The following RDH10 variants were observed in gnomAD, a reference collection of about 807,000 sequenced individuals.
RDH10 encodes the protein retinol dehydrogenase 10 (all-trans).
RDH10 carries 12 observed loss-of-function variants against 30.2 expected under a neutral mutation model. The ratio of observed to expected loss-of-function variants is 0.40; its 90% CI spans 0.25 to 0.64. The LOEUF (loss-of-function observed/expected upper bound fraction) is 0.64, where lower values mean the gene tolerates loss of function less well. Among genes scored for constraint, RDH10 ranks in the 30% least tolerant of loss-of-function variants. RDH10 has a pLI of 0.43. For missense variants in RDH10, 268 were observed against 445.2 expected, an observed-to-expected ratio of 0.60 and a Z score of 3.58; for synonymous variants, 189 against 172.2, an observed-to-expected ratio of 1.10 and a Z score of -0.76.
At chr8:73,303,106 T>C (rs1442857507) in intron 2 of RDH10, among the ~76,000 whole-genome samples, 1 of 151,742 alleles carries the variant, frequency 6.6e-6, no homozygotes, top group Admixed American at 6.6e-5. Flanking sequence ...AGTTTTAAAA[T>C]ACTAATTACT....
chr8:73,310,006 C>T (rs1022849190), intron 2 of RDH10, among the ~76,000 whole-genome samples: 18 of 152,152 alleles, frequency 1.2e-4, no homozygotes, highest in Non-Finnish European at 1.3e-4. Flanking sequence ...TGGGAACCAC[C>T]TGAGGGACGT....
At chr8:73,304,963 A>T (rs1469961370) in intron 2 of RDH10, among the ~76,000 whole-genome samples, 3 of 152,142 alleles carry the variant, frequency 2.0e-5, no homozygotes, top group African/African-American at 7.2e-5. Context: ...AAGGAAGCAA[A>T]GTTGGTATTT....
Position 73,297,225 on chromosome 8 carries a change from C to A in RDH10, c.321C>A (p.His107Gln). 1 of 1,613,596 alleles carries A rather than the reference C, an allele frequency of 6.2e-7. No homozygotes were observed. Among genetic ancestry groups the A allele is most frequent in the Middle Eastern group, 1.7e-4 (1 of 6,056 alleles). ...ATGGTGAGGAAGAAATTCTGCCCCA[C>A]TGTAACTTGCAGGTTTTTACCTACA... The part of the protein sequence containing the change: ...AGNGEEEILP[H>Q]CNLQVFTYTC... The change falls in exon 2 of 6, where the codon CAC becomes CAA. Residue 107 changes from histidine to glutamine, a missense_variant. Coordinates refer to ENST00000240285, the MANE Select transcript of RDH10 (RefSeq NM_172037.5).
rs1379574486 is a variant in RDH10, at chr8:73,295,491, A to G, written c.202A>G (p.Ile68Val). 6.4e-7 allele frequency: 1 copy of G among 1,555,456 alleles called. No homozygotes were observed. Among genetic ancestry groups the G allele is most frequent in the Non-Finnish European group, 8.7e-7 (1 of 1,150,788 alleles). ...RRRALLVLWDINTQSNEETAG... is the reference protein window; with the variant it reads ...RRRALLVLWDVNTQSNEETAG... ...TCGGGCGCTGCTGGTGCTGTGGGACATCAACACGCAAAGCAACGAGGAGAC... is the reference window on the plus strand; with the variant it reads ...TCGGGCGCTGCTGGTGCTGTGGGACGTCAACACGCAAAGCAACGAGGAGAC... The change falls in exon 1 of 6, where the codon ATC becomes GTC. Residue 68 changes from isoleucine (I) to valine (V), a missense_variant. This residue lies in a region of RDH10 where 42 missense variants were observed against 77.6 expected (regional missense o/e 0.54). Coordinates refer to ENST00000240285, the MANE Select transcript of RDH10 (RefSeq NM_172037.5).
chr8:73,312,279 GAT>G (rs1283210828), intron 2 of RDH10: 7 of 152,148 alleles, frequency 4.6e-5, no homozygotes, highest in African/African-American at 1.7e-4. Flanking sequence ...TCAAATAAAA[GAT>G]AAACACTTCA....
At chr8:73,320,463 GTTTTTGTTTTTGTTTTTT>G (rs1179179095) in intron 3 of RDH10, among the ~76,000 whole-genome samples, 2 of 125,956 alleles carry the variant, frequency 1.6e-5, no homozygotes, top group African/African-American at 3.6e-5. Flanking sequence ...TTTTGTTTTT[GTTTTTGTTTTTGTTTTTT>G]TTTTTTTGAG....
At chr8:73,321,201 A>G (rs537366551) in intron 4 of RDH10, 124 bp downstream of exon 4, 269 of 924,616 alleles carry the variant, frequency 2.9e-4, no homozygotes, top group Non-Finnish European at 3.7e-4. Flanking sequence ...TTATTGGTCA[A>G]GATTTGTAAA....
At chr8:73,310,692 G>A (rs190576464) in intron 2 of RDH10, among the ~76,000 whole-genome samples, 6 of 152,360 alleles carry the variant, frequency 3.9e-5, no homozygotes, top group African/African-American at 7.2e-5. Context: ...CTGCAATTTT[G>A]TGGGTTATTT....
At chr8:73,321,207 G>A (rs2130382585) in intron 4 of RDH10, 130 bp downstream of exon 4, 2 of 856,428 alleles carry the variant, frequency 2.3e-6, no homozygotes, top group Non-Finnish European at 3.5e-6. Flanking sequence ...GTCAAGATTT[G>A]TAAAGTTTGT....
chr8:73,306,633 G>T (rs1242911308), intron 2 of RDH10, among the ~76,000 whole-genome samples: 1 of 152,218 alleles, frequency 6.6e-6, no homozygotes, highest in Non-Finnish European at 1.5e-5. Flanking sequence ...CACTTACAAT[G>T]AATTCACATT....
rs148526656 is a variant in RDH10 at position 73,308,834 on chromosome 8, C to T, written c.526-10262C>T. On this transcript the variant is annotated intron_variant, in intron 2 of 5. Coordinates refer to ENST00000240285, the MANE Select transcript of RDH10 (RefSeq NM_172037.5). The stretch of plus-strand genomic sequence containing the variant: ...AGGATCAATTATATTGCCTGTTTCA[C>T]TGAACTCTTAGGAGAGTTGATCTGA... Among the ~76,000 whole-genome samples the T allele has an allele frequency of 4.7e-3, 713 of 152,264 alleles. 5 individuals are homozygous for T. The highest frequency in any genetic ancestry group is 0.016 in the South Asian group (78 of 4,828).
At chr8:73,310,470 G>A (rs1814545176) in intron 2 of RDH10, among the ~76,000 whole-genome samples, 1 of 152,238 alleles carries the variant, frequency 6.6e-6, no homozygotes, top group Non-Finnish European at 1.5e-5. Flanking sequence ...TGGAACAGGG[G>A]CTAAGAAGTC....
At chr8:73,309,928 C>T (rs1056894760) in intron 2 of RDH10, among the ~76,000 whole-genome samples, 1 of 152,112 alleles carries the variant, frequency 6.6e-6, no homozygotes, top group South Asian at 2.1e-4. Context: ...TTACCCAGCC[C>T]CAAATGTAAT....
intron 1 of RDH10, 58 bp downstream of exon 1, chr8:73,295,636 T>C: frequency 7.1e-7 from 1 of 1,412,726 alleles, no homozygotes; most frequent in Middle Eastern, 2.1e-4. Context: ...CCCCGCGCCC[T>C]ACCACGGCAG....
At chr8:73,308,012 G>C (rs959487219) in intron 2 of RDH10, among the ~76,000 whole-genome samples, 1 of 152,148 alleles carries the variant, frequency 6.6e-6, no homozygotes, top group Non-Finnish European at 1.5e-5. Context: ...GCTTGTATTG[G>C]AGAGAGTTAT....
chr8:73,322,604 A>T, intron 4 of RDH10, 75 bp from the exon 5 acceptor site: 1 of 1,203,372 alleles, frequency 8.3e-7, no homozygotes, highest in Non-Finnish European at 1.2e-6. Context: ...CATCACTGTT[A>T]ATGTTTTGAT....
At chr8:73,295,772 A>C (rs781263391) in intron 1 of RDH10, 194 bp downstream of exon 1, 8 of 939,132 alleles carry the variant, frequency 8.5e-6, no homozygotes, top group Non-Finnish European at 1.2e-5. Context: ...TACCAGGGAG[A>C]AGGTGCCCTG....
rs144917980 is a variant in RDH10, at chr8:73,305,391, C to T, written c.525+7962C>T. Among the ~76,000 whole-genome samples the T allele has an allele frequency of 6.2e-3, 940 of 152,294 alleles. 11 individuals carry two copies. The highest frequency in any genetic ancestry group is 0.022 in the African/African-American group (894 of 41,558). ...GAATTTTAAGTAGGAAACCCCTTTA[C>T]ATTTAAGTTTTGTCTTGAGTTGAGA... is the stretch of plus-strand genomic sequence containing the variant. On this transcript the variant is annotated intron_variant, in intron 2 of 5. Transcript: ENST00000240285.
In RDH10 at chr8:73,294,871, TC is replaced by T; in HGVS notation, c.-414del. 1 of 385,664 alleles carries T rather than the reference TC, an allele frequency of 2.6e-6. No individual in the cohort carries two copies. Among genetic ancestry groups the T allele is most frequent in the African/African-American group, 2.1e-5 (1 of 47,794 alleles). The allele number at this position is 385,664 out of a possible 1,614,324, so 23.9% of individuals were successfully genotyped here. On this transcript the variant is annotated 5_prime_UTR_variant, in exon 1 of 6. Transcript: ENST00000240285. ...CCGTGCCGCCTCCGCTGCGCACCCC[TC>T]CCCCGGGGTGAGAGGGAGCCGGCGC... is the stretch of plus-strand genomic sequence containing the variant.
Sources: gnomAD v4.1 joint callset for allele counts (sites outside exome capture counted in the v4.1 genomes callset) on GRCh38, gnomAD v4.1.1 for gene constraint, gnomAD v4.1.1 regional missense constraint, MANE v1.5 for transcripts, NCBI Gene and HGNC (gene_info 2026-07-23, HGNC 2026-07-21) for gene names.